The following CA6 variants were observed in gnomAD, a reference collection of about 807,000 sequenced individuals.
The protein encoded by CA6 is carbonic anhydrase 6.
CA6 carries 28 observed loss-of-function variants against 35.9 expected under a neutral mutation model. The ratio of observed to expected loss-of-function variants is 0.78; its 90% confidence interval spans 0.58 to 1.07. CA6 has a LOEUF of 1.07. Ranked by LOEUF, CA6 falls within the 50% of genes least tolerant of loss-of-function variation. The pLI, the probability that CA6 is intolerant of heterozygous loss-of-function variation, is 0.00. For missense variants in CA6, 377 were observed against 382.0 expected, an observed-to-expected ratio of 0.99 and a Z score of 0.11; for synonymous variants, 148 against 152.6, an observed-to-expected ratio of 0.97 and a Z score of 0.22.
intron 5 of CA6, among the ~76,000 whole-genome samples, chr1:8,965,031 G>A (rs1369480148): frequency 6.6e-6 from 1 of 152,122 alleles, no homozygotes; most frequent in African/African-American, 2.4e-5. Flanking sequence ...ATCACCTGAG[G>A]TCAGGAGTTT....
At chr1:8,954,243 G>A (rs1639615984) in intron 2 of CA6, among the ~76,000 whole-genome samples, 1 of 149,602 alleles carries the variant, frequency 6.7e-6, no homozygotes, top group Non-Finnish European at 1.5e-5. Flanking sequence ...TTGGCTCCCT[G>A]CAACCTCTGC....
At chr1:8,953,185 C>G (rs1639586271) in intron 2 of CA6, among the ~76,000 whole-genome samples, 1 of 152,182 alleles carries the variant, frequency 6.6e-6, no homozygotes, top group African/African-American at 2.4e-5. Context: ...TTTAAGTTTC[C>G]TCCATGTCTT....
intron 4 of CA6, among the ~76,000 whole-genome samples, chr1:8,960,874 G>A (rs1364489489): frequency 6.6e-6 from 1 of 151,306 alleles, no homozygotes; most frequent in South Asian, 2.1e-4. Flanking sequence ...TGGCCCAAAA[G>A]CCTCAAATCT....
intron 2 of CA6, chr1:8,951,730 G>A (rs1487193727): frequency 4.0e-6 from 3 of 752,632 alleles, no homozygotes; most frequent in Admixed American, 1.7e-5. Flanking sequence ...CTGTGGTCCG[G>A]AAGCCTGTTC....
chr1:8,950,153 T>C (rs989425784), intron 2 of CA6, among the ~76,000 whole-genome samples: 8 of 151,726 alleles, frequency 5.3e-5, no homozygotes, highest in African/African-American at 1.9e-4. Flanking sequence ...CTAATTTTTT[T>C]TGTATTTTTA....
chr1:8,953,502 C>T (rs1404684033), intron 2 of CA6, among the ~76,000 whole-genome samples: 3 of 152,124 alleles, frequency 2.0e-5, no homozygotes, highest in Admixed American at 2.0e-4. Context: ...ACATACAGTC[C>T]TGGCTACATA....
In CA6 at chr1:8,967,754, C is replaced by T. The variant is rs1640008079; in HGVS notation, c.667C>T (p.Pro223Ser). Residue 223 changes from proline (P) to serine (S), a missense_variant, in exon 6 of 8, where the codon CCC (proline) becomes TCC (serine). Coordinates refer to ENST00000377443, the MANE Select transcript of CA6 (RefSeq NM_001215.4). ...YTYHGSLTTPPCTENVHWFVL... is the reference protein window; with the variant it reads ...YTYHGSLTTPSCTENVHWFVL... ...CTACCATGGCTCACTCACCACGCCT[C>T]CCTGCACTGAGAACGTCCACTGGTT... 6.2e-7 allele frequency: 1 copy of T among 1,614,098 alleles called. No individual in the cohort carries two copies.
chr1:8,973,774 TTC>T (rs1491416559), intron 7 of CA6, among the ~76,000 whole-genome samples: 2 of 17,250 alleles, frequency 1.2e-4, no homozygotes, highest in African/African-American at 1.5e-3. Flanking sequence ...CTTTCTTTCT[TTC>T]TTTCTTTCTT....
At chr1:8,958,749 A>G (rs1639756382) in intron 3 of CA6, among the ~76,000 whole-genome samples, 161 bp from the exon 4 acceptor site, 1 of 152,168 alleles carries the variant, frequency 6.6e-6, no homozygotes, top group Non-Finnish European at 1.5e-5. Context: ...ATAGATAGGA[A>G]TTGCAGCCCA....
intron 7 of CA6, among the ~76,000 whole-genome samples, chr1:8,973,714 T>TC (rs1640170564): frequency 6.9e-4 from 6 of 8,706 alleles, no homozygotes; most frequent in East Asian, 4.2e-3. Flanking sequence ...TTCTCTCTCT[T>TC]TCTTTCTTTC....
intron 3 of CA6, 30 bp from the exon 4 acceptor site, chr1:8,958,880 C>T: frequency 8.3e-7 from 1 of 1,208,162 alleles, no homozygotes; most frequent in East Asian, 2.4e-5. Context: ...CTATGAACTG[C>T]CCTTGACCCA....
At chr1:8,949,196 C>A in intron 1 of CA6, 67 bp from the exon 2 acceptor site, 1 of 1,297,576 alleles carries the variant, frequency 7.7e-7, no homozygotes, top group Non-Finnish European at 1.0e-6. Context: ...TGGCCTCTGG[C>A]CTGGTGAGGT....
intron 2 of CA6, among the ~76,000 whole-genome samples, chr1:8,951,241 A>G (rs1639524757): frequency 6.6e-6 from 1 of 151,948 alleles, no homozygotes; most frequent in Admixed American, 6.6e-5. Context: ...AAAGAAAGAA[A>G]GAAAACCAAT....
intron 5 of CA6, among the ~76,000 whole-genome samples, chr1:8,965,480 A>G (rs1029251925): frequency 6.6e-6 from 1 of 152,130 alleles, no homozygotes; most frequent in Non-Finnish European, 1.5e-5. Context: ...GGTACCTCAT[A>G]TAAGTAGAAT....
chr1:8,956,457 C>T (rs963995166), intron 2 of CA6, among the ~76,000 whole-genome samples: 1 of 151,846 alleles, frequency 6.6e-6, no homozygotes, highest in African/African-American at 2.4e-5. Context: ...GTCAGGAGTT[C>T]GAGACCAGCG....
chr1:8,973,784 C>CT (rs59270335), intron 7 of CA6, among the ~76,000 whole-genome samples: 19,355 of 51,018 alleles, frequency 0.38, 3,148 homozygotes, highest in East Asian at 0.45. Flanking sequence ...TTCTTTCTTT[C>CT]TTTTCCCTCC....
intron 2 of CA6, among the ~76,000 whole-genome samples, 167 bp from the exon 3 acceptor site, chr1:8,956,970 G>A (rs1639702291): frequency 6.6e-6 from 1 of 152,156 alleles, no homozygotes; most frequent in Non-Finnish European, 1.5e-5. Flanking sequence ...GTGCGCAAAC[G>A]CCTCTTCTCC....
At chr1:8,946,056 TAGACAAAG>T in intron 1 of CA6, 91 bp downstream of exon 1, 1 of 816,746 alleles carries the variant, frequency 1.2e-6, no homozygotes, top group Non-Finnish European at 2.0e-6. Context: ...TTTTTTTTTT[TAGACAAAG>T]TCTTGCTCTG....
chr1:8,961,709 A>G (rs1639846819), intron 4 of CA6, among the ~76,000 whole-genome samples: 1 of 152,224 alleles, frequency 6.6e-6, no homozygotes, highest in Non-Finnish European at 1.5e-5. Context: ...AGTGAAAGAG[A>G]TCAACACCAC....
Sources: gnomAD v4.1 joint callset for allele counts (sites outside exome capture counted in the v4.1 genomes callset) on GRCh38, gnomAD v4.1.1 for gene constraint, MANE v1.5 for transcripts, NCBI Gene and HGNC (gene_info 2026-07-23, HGNC 2026-07-21) for gene names.